Variants in RBM12B observed in about 807,000 individuals in gnomAD.
RBM12B encodes RNA binding motif protein 12B.
RBM12B carries 10 observed loss-of-function variants against 34.3 expected under a neutral mutation model. That is an observed-to-expected ratio of 0.29 (90% CI 0.18 to 0.49). RBM12B has a LOEUF of 0.49. RBM12B is among the 20% of genes least tolerant of loss of function. The pLI is 0.99. For missense variants in RBM12B, 1,139 were observed against 1,262.7 expected, an observed-to-expected ratio of 0.90 and a Z score of 1.48; for synonymous variants, 477 against 437.1, an observed-to-expected ratio of 1.09 and a Z score of -1.14.
intron 2 of RBM12B, among the ~76,000 whole-genome samples, chr8:93,737,807 CAAA>C (rs78204688): frequency 2.3e-3 from 231 of 100,600 alleles, no homozygotes; most frequent in African/African-American, 7.0e-3. Flanking sequence ...ACCCAAAGTT[CAAA>C]AAAAAAAAAA....
Position 93,740,738 on chromosome 8 carries a change from G to A in RBM12B, c.-145-42C>T, listed in dbSNP as rs1261106901. ...AGTCGGTGTTTTAGCAAGAAAAGAG[G>A]GTGCCCTAACGGCAGGAGCTACGCT... On this transcript the variant is annotated intron_variant, in intron 1 of 3. Coordinates refer to ENST00000520560, the MANE Select transcript of RBM12B (RefSeq NM_001377960.1). The A allele has an allele frequency of 8.4e-6, 3 of 355,420 alleles. No individual in the cohort carries two copies. The Admixed American group carries it at 1.1e-4, about 14-fold the overall frequency. The allele number at this position is 355,420 out of a possible 1,614,324, so 22.0% of individuals were successfully genotyped here.
rs1183245723 is a variant in RBM12B, at chr8:93,731,474, T to C, written c.*1931A>G. On this transcript the variant is annotated 3_prime_UTR_variant, in exon 4 of 4. Transcript: ENST00000520560. ...ATTATCCTAGCTACTTACAAGCTTA[T>C]ACTTTAAAGAATCATACTGAGGTGC... 6.6e-6 allele frequency: 1 copy of C among 152,246 alleles called. No homozygotes were observed. Among genetic ancestry groups the C allele is most frequent in the Non-Finnish European group, 1.5e-5 (1 of 68,042 alleles). The allele number at this position is 152,246 out of a possible 1,614,324, so 9.4% of individuals were successfully genotyped here.
chr8:93,735,773 CAT>C lies in RBM12B; in HGVS notation c.636_637del (p.Cys213SerfsTer2). 1 of 1,614,084 alleles carries C rather than the reference CAT, an allele frequency of 6.2e-7. No homozygotes were observed. Among genetic ancestry groups the C allele is most frequent in the Non-Finnish European group, 8.5e-7 (1 of 1,180,026 alleles). On this transcript the variant is annotated frameshift_variant, in exon 4 of 4. Transcript: ENST00000520560. LOFTEE classifies it high-confidence loss of function. ...TCTTGAACCCATAAAACTTCTATGA[CAT>C]TTAAGACCTCCTGAAGCATCAACAC...
Position 93,736,327 on chromosome 8 carries a change from AAT to A in RBM12B, c.82_83del (p.Ile28SerfsTer2). On this transcript the variant is annotated frameshift_variant, in exon 4 of 4. Transcript: ENST00000520560. LOFTEE classifies it high-confidence loss of function. ...DIRHFFTGLT[I>X]PDGGVHIIGG... ...CAATTATATGCACTCCTCCATCAGGAATAGTCAATCCCGTGAAGAAGTGACGA... is the reference window on the plus strand; with the variant it reads ...CAATTATATGCACTCCTCCATCAGGAAGTCAATCCCGTGAAGAAGTGACGA... 6.2e-7 allele frequency: 1 copy of A among 1,614,014 alleles called. No individual in the cohort carries two copies. The highest frequency in any genetic ancestry group is 8.5e-7 in the Non-Finnish European group (1 of 1,180,026).
At chr8:93,738,767 T>C (rs1812102016) in intron 2 of RBM12B, among the ~76,000 whole-genome samples, 1 of 152,126 alleles carries the variant, frequency 6.6e-6, no homozygotes, top group Non-Finnish European at 1.5e-5. Flanking sequence ...CCTGGAGTAA[T>C]TTACATGTCT....
At chr8:93,736,647 C>T (rs909264619) in intron 3 of RBM12B, among the ~76,000 whole-genome samples, 1 of 152,154 alleles carries the variant, frequency 6.6e-6, no homozygotes, top group Non-Finnish European at 1.5e-5. Flanking sequence ...AAACCAACTA[C>T]CTTGAAGAAA....
At position 93,733,329 on chromosome 8, in the gene RBM12B, A is replaced by G. The variant is rs186272633; in HGVS notation, c.*76T>C. ...TTTCATTAGATAATTTAAAAAAAAA[A>G]CACTTTTTTAAAACAAATGTATTTT... On this transcript the variant is annotated 3_prime_UTR_variant, in exon 4 of 4. Transcript: ENST00000520560. The G allele has an allele frequency of 5.0e-6, 6 of 1,193,004 alleles. No homozygotes were observed. In the Admixed American group the frequency reaches 1.7e-4, roughly 34 times the overall value. The allele number at this position is 1,193,004 out of a possible 1,614,324, so 73.9% of individuals were successfully genotyped here.
rs1416198793 is a variant in RBM12B at position 93,733,847 on chromosome 8, G to A, written c.2564C>T (p.Pro855Leu). The A allele has an allele frequency of 1.2e-5, 20 of 1,613,930 alleles. No homozygotes were observed. Among genetic ancestry groups the A allele is most frequent in the African/African-American group, 4.0e-5 (3 of 74,890 alleles). Reference protein sequence around the residue: ...QLPEEDLREAPEEDPRLPDNF... With the variant: ...QLPEEDLREALEEDPRLPDNF... ...GTCAGGAAGTCTAGGGTCCTCCTCC[G>A]GAGCTTCCCTAAGGTCTTCCTCTGG... The change falls in exon 4 of 4, where the codon CCG (proline) becomes CTG (leucine). Residue 855 changes from proline to leucine, a missense_variant. Transcript: ENST00000520560.
rs1483603496 is a variant in RBM12B, at chr8:93,732,381, A to G, written c.*1024T>C. The G allele has an allele frequency of 6.6e-6, 1 of 152,224 alleles. No homozygotes were observed. The highest frequency in any genetic ancestry group is 2.4e-5 in the African/African-American group (1 of 41,456). The allele number at this position is 152,224 out of a possible 1,614,324, so 9.4% of individuals were successfully genotyped here. On this transcript the variant is annotated 3_prime_UTR_variant, in exon 4 of 4. Coordinates refer to ENST00000520560, the MANE Select transcript of RBM12B (RefSeq NM_001377960.1). ...TGAATATCAAAGAAGTCAAAATTCA[A>G]CCACACAAGTCTTAACAGTTATAGA...
rs552445009 is a variant in RBM12B, at chr8:93,740,955, T to C, written c.-220A>G. 3 of 204,332 alleles carry C rather than the reference T, an allele frequency of 1.5e-5. No homozygotes were observed. The highest frequency in any genetic ancestry group is 5.3e-5 in the Admixed American group (1 of 18,820). 12.7% of individuals were successfully genotyped at this position (204,332 alleles called of 1,614,324 possible). ...GTCGCAGCAGCCTCCCCAAAACAGG[T>C]AGACCCTCAGTGAGCCCAGAAGAAG... On this transcript the variant is annotated 5_prime_UTR_variant, in exon 1 of 4. Transcript: ENST00000520560.
At position 93,730,641 on chromosome 8, in the gene RBM12B, T is replaced by A. The variant is rs1811753091; in HGVS notation, c.*2764A>T. 1 of 152,178 alleles carries A rather than the reference T, an allele frequency of 6.6e-6. No homozygotes were observed. Among genetic ancestry groups the A allele is most frequent in the Non-Finnish European group, 1.5e-5 (1 of 68,028 alleles). 9.4% of individuals were successfully genotyped at this position (152,178 alleles called of 1,614,324 possible). A position where few individuals can be genotyped will look rare whatever the true frequency, so the allele number is the denominator to read the frequency against. On this transcript the variant is annotated 3_prime_UTR_variant, in exon 4 of 4. Transcript: ENST00000520560. Reference sequence around the variant, plus strand: ...GAGGGGACAACAGGAGGGGAATTCCTTGATTTGCTGCATTTATCACTTTCC... The same window carrying A: ...GAGGGGACAACAGGAGGGGAATTCCATGATTTGCTGCATTTATCACTTTCC...
In RBM12B at chr8:93,728,416, ATAAT is replaced by A; in HGVS notation, c.*4985_*4988del. 3 of 622,880 alleles carry A rather than the reference ATAAT, an allele frequency of 4.8e-6. No individual in the cohort carries two copies. Among genetic ancestry groups the A allele is most frequent in the Non-Finnish European group, 5.3e-6 (2 of 379,336 alleles). 38.6% of individuals were successfully genotyped at this position (622,880 alleles called of 1,614,324 possible). A position where few individuals can be genotyped will look rare whatever the true frequency, so the allele number is the denominator to read the frequency against. Reference sequence around the variant, plus strand: ...GTGAAGTCCAACTGGAAACAGAAAAATAATTAAAGGAAACTTATGCTGACCAAAA... The same window carrying A: ...GTGAAGTCCAACTGGAAACAGAAAAATAAAGGAAACTTATGCTGACCAAAA... On this transcript the variant is annotated 3_prime_UTR_variant, in exon 4 of 4. Coordinates refer to ENST00000520560, the MANE Select transcript of RBM12B (RefSeq NM_001377960.1).
rs1563663735 is a variant in RBM12B at position 93,736,420 on chromosome 8, A to G, written c.-10T>C. On this transcript the variant is annotated 5_prime_UTR_variant, in exon 4 of 4. Coordinates refer to ENST00000520560, the MANE Select transcript of RBM12B (RefSeq NM_001377960.1). ...GGATGACTACAGCCATGCTGAGCTC[A>G]AACCACAGCAATAATGACCTGCAGA... 1 of 1,545,442 alleles carries G rather than the reference A, an allele frequency of 6.5e-7. No homozygotes were observed.
Position 93,733,259 on chromosome 8 carries a change from T to G in RBM12B, c.*146A>C. ...CAAGCAAAAGAAAACCAGATTCACA[T>G]TCTACTATTTACATTTGTTCTATTC... On this transcript the variant is annotated 3_prime_UTR_variant, in exon 4 of 4. Transcript: ENST00000520560. 1.9e-6 allele frequency: 1 copy of G among 526,292 alleles called. No homozygotes were observed. The highest frequency in any genetic ancestry group is 3.0e-6 in the Non-Finnish European group (1 of 338,874). 32.6% of individuals were successfully genotyped at this position (526,292 alleles called of 1,614,324 possible).
At position 93,731,052 on chromosome 8, in the gene RBM12B, C is replaced by G. The variant is rs1336346626; in HGVS notation, c.*2353G>C. 6.6e-6 allele frequency: 1 copy of G among 152,200 alleles called. No individual in the cohort carries two copies. The highest frequency in any genetic ancestry group is 1.5e-5 in the Non-Finnish European group (1 of 68,100). 9.4% of individuals were successfully genotyped at this position (152,200 alleles called of 1,614,324 possible). A position where few individuals can be genotyped will look rare whatever the true frequency, so the allele number is the denominator to read the frequency against. The stretch of plus-strand genomic sequence containing the variant: ...GGCACACACCTGTAGTCCCAGCTCT[C>G]AGGAGGCTGAGGCAGGAAGACAGCT... On this transcript the variant is annotated 3_prime_UTR_variant, in exon 4 of 4. Coordinates refer to ENST00000520560, the MANE Select transcript of RBM12B (RefSeq NM_001377960.1).
chr8:93,731,311 A>C lies in RBM12B; in HGVS notation c.*2094T>G, dbSNP rs1038048834. 1 of 152,206 alleles carries C rather than the reference A, an allele frequency of 6.6e-6. No homozygotes were observed. Among genetic ancestry groups the C allele is most frequent in the African/African-American group, 2.4e-5 (1 of 41,448 alleles). 9.4% of individuals were successfully genotyped at this position (152,206 alleles called of 1,614,324 possible). ...TTAGCTTTATTCCTTTGTATCTGAG[A>C]AGCATTTTTTAACTTTCCATATATT... On this transcript the variant is annotated 3_prime_UTR_variant, in exon 4 of 4. Coordinates refer to ENST00000520560, the MANE Select transcript of RBM12B (RefSeq NM_001377960.1).
rs763269150 is a variant in RBM12B at position 93,734,230 on chromosome 8, A to G, written c.2181T>C (p.Pro727=). Residue 727 remains proline, a synonymous_variant, in exon 4 of 4, where the codon CCT becomes CCC. Transcript: ENST00000520560. ...QSPQEHFRRP[P]QEHFRRPPPE... is the part of the protein sequence containing the mutation. ...GGGGTGGCCGACGGAAATGCTCCTG[A>G]GGTGGCCTCCGGAAATGCTCCTGGG... 1 of 1,603,986 alleles carries G rather than the reference A, an allele frequency of 6.2e-7. No homozygotes were observed. The highest frequency in any genetic ancestry group is 8.5e-7 in the Non-Finnish European group (1 of 1,174,674).
chr8:93,740,802 C>T (rs1041209277), intron 1 of RBM12B, 79 bp downstream of exon 1: 10 of 336,914 alleles, frequency 3.0e-5, no homozygotes, highest in African/African-American at 6.5e-5. Context: ...TTTCCCCGTT[C>T]TTCCGGCTTG....
At chr8:93,739,426 GC>G (rs1812123508) in intron 2 of RBM12B, among the ~76,000 whole-genome samples, 1 of 152,116 alleles carries the variant, frequency 6.6e-6, no homozygotes, top group South Asian at 2.1e-4. Flanking sequence ...ATTCTCATTT[GC>G]CACAGTTAAA....
Sources: allele counts gnomAD v4.1 joint callset (sites outside exome capture counted in the v4.1 genomes callset), GRCh38; gene constraint gnomAD v4.1.1; transcripts MANE v1.5; gene names NCBI Gene and HGNC (gene_info 2026-07-23, HGNC 2026-07-21).